SCGB2B2: variants seen among roughly 807,000 people sequenced by gnomAD.
SCGB2B2 encodes the protein secretoglobin-like protein.
In SCGB2B2, 11 loss-of-function variants were observed where a neutral mutation model predicts 7.6. That is an observed-to-expected ratio of 1.45 (90% CI 0.91 to 2.40). The LOEUF is 2.40. SCGB2B2 is among the 30% of genes most tolerant of loss of function. The probability of loss-of-function intolerance (pLI) is 0.00; values close to 1 mark genes in which losing one functional copy is unlikely to be tolerated. For missense variants in SCGB2B2, 104 were observed against 115.4 expected, an observed-to-expected ratio of 0.90 and a Z score of 0.45; for synonymous variants, 50 against 48.6, an observed-to-expected ratio of 1.03 and a Z score of -0.12.
At chr19:34,635,959 G>A (rs930096289) in intron 1 of SCGB2B2, among the ~76,000 whole-genome samples, 3 of 152,212 alleles carry the variant, frequency 2.0e-5, no homozygotes, top group Non-Finnish European at 4.4e-5. Context: ...TGTGCAGTTT[G>A]TGCCCGGGGT....
chr19:34,618,392 T>C (rs73927780), intron 1 of SCGB2B2, among the ~76,000 whole-genome samples: 55 of 152,346 alleles, frequency 3.6e-4, no homozygotes, highest in African/African-American at 1.2e-3. Flanking sequence ...CTCAAATACA[T>C]GGGCCCAGAT....
chr19:34,620,117 T>C (rs1292425949), intron 1 of SCGB2B2, among the ~76,000 whole-genome samples: 2 of 152,212 alleles, frequency 1.3e-5, no homozygotes, highest in Non-Finnish European at 1.5e-5. Context: ...ATGAGCACCA[T>C]TCTACAATTT....
chr19:34,601,475 T>G (rs565050213), intron 1 of SCGB2B2, among the ~76,000 whole-genome samples: 2 of 152,350 alleles, frequency 1.3e-5, no homozygotes, highest in South Asian at 4.1e-4. Context: ...CTGGTACATG[T>G]TGCCATTTAT....
chr19:34,643,740 T>C (rs2066910615), intron 1 of SCGB2B2, among the ~76,000 whole-genome samples: 1 of 151,884 alleles, frequency 6.6e-6, no homozygotes, highest in East Asian at 1.9e-4. Flanking sequence ...AGAATGATGG[T>C]AAAAGGAGAA....
At chr19:34,673,637 TA>T (rs1012161360) in intron 1 of SCGB2B2, among the ~76,000 whole-genome samples, 5 of 152,004 alleles carry the variant, frequency 3.3e-5, no homozygotes, top group African/African-American at 7.3e-5. Flanking sequence ...GCAGGCAGAA[TA>T]AAAAAAATTA....
chr19:34,605,641 G>A (rs2065755424), intron 1 of SCGB2B2, among the ~76,000 whole-genome samples: 1 of 152,186 alleles, frequency 6.6e-6, no homozygotes, highest in Non-Finnish European at 1.5e-5. Context: ...AGGCTGGAGT[G>A]CAATGGTGTG....
intron 1 of SCGB2B2, among the ~76,000 whole-genome samples, chr19:34,603,637 C>T (rs1030507736): frequency 1.3e-5 from 2 of 152,082 alleles, no homozygotes; most frequent in East Asian, 1.9e-4. Context: ...AGGGAGAGAG[C>T]CTAGGCCTGC....
intron 1 of SCGB2B2, among the ~76,000 whole-genome samples, chr19:34,613,981 A>G (rs1242742219): frequency 1.3e-5 from 2 of 152,216 alleles, no homozygotes; most frequent in Non-Finnish European, 2.9e-5. Flanking sequence ...TTCTGTGAAG[A>G]AAATTGCTAT....
intron 1 of SCGB2B2, chr19:34,638,062 T>C (rs2066736735): frequency 6.6e-6 from 1 of 152,226 alleles, no homozygotes; most frequent in South Asian, 2.1e-4. Flanking sequence ...AAAGTAGTTA[T>C]ATAACATAAG....
At chr19:34,604,573 G>A (rs1429333713) in intron 1 of SCGB2B2, among the ~76,000 whole-genome samples, 2 of 152,206 alleles carry the variant, frequency 1.3e-5, no homozygotes, top group African/African-American at 4.8e-5. Flanking sequence ...GGTTGTTTGT[G>A]ACACAGTAAA....
intron 1 of SCGB2B2, among the ~76,000 whole-genome samples, chr19:34,667,299 CT>C (rs2067658036): frequency 6.6e-6 from 1 of 152,174 alleles, no homozygotes; most frequent in East Asian, 1.9e-4. Flanking sequence ...AGACCCCTCC[CT>C]TCAGCCTCCC....
At chr19:34,594,401 A>T in intron 2 of SCGB2B2, 42 bp from the exon 3 acceptor site, 1 of 1,605,962 alleles carries the variant, frequency 6.2e-7, no homozygotes, top group Non-Finnish European at 8.5e-7. Context: ...AGGAGGTCAG[A>T]ATTCAGCGAA....
At chr19:34,618,576 C>G (rs560950058) in intron 1 of SCGB2B2, among the ~76,000 whole-genome samples, 143 of 152,304 alleles carry the variant, frequency 9.4e-4, no homozygotes, top group African/African-American at 3.3e-3. Context: ...CCCCATTACT[C>G]TTTTAGGTTA....
chr19:34,655,192 G>A (rs894027334), intron 1 of SCGB2B2, among the ~76,000 whole-genome samples: 4 of 151,250 alleles, frequency 2.6e-5, no homozygotes, highest in Non-Finnish European at 5.9e-5. Context: ...TAGTTCAGGT[G>A]AAGATGGAAG....
chr19:34,597,176 C>T (rs894708576), intron 1 of SCGB2B2, among the ~76,000 whole-genome samples: 6 of 152,062 alleles, frequency 3.9e-5, no homozygotes, highest in African/African-American at 1.4e-4. Context: ...CATGTGGGTC[C>T]TCAAGTGCCA....
At chr19:34,659,114 A>G (rs552815578) in intron 1 of SCGB2B2, among the ~76,000 whole-genome samples, 1 of 152,336 alleles carries the variant, frequency 6.6e-6, no homozygotes, top group Non-Finnish European at 1.5e-5. Context: ...AACTCTCAAT[A>G]AACTAGGTAT....
intron 1 of SCGB2B2, among the ~76,000 whole-genome samples, chr19:34,604,453 T>C (rs1362072950): frequency 4.6e-5 from 7 of 152,204 alleles, no homozygotes; most frequent in Non-Finnish European, 5.9e-5. Flanking sequence ...GGCCCACAGC[T>C]TGAGTGCTCA....
intron 1 of SCGB2B2, among the ~76,000 whole-genome samples, chr19:34,633,585 TA>T (rs1389041754): frequency 6.6e-6 from 1 of 152,146 alleles, no homozygotes; most frequent in African/African-American, 2.4e-5. Context: ...CAAAAGACAG[TA>T]AATCAATGTT....
intron 1 of SCGB2B2, among the ~76,000 whole-genome samples, chr19:34,673,922 T>C (rs2067860746): frequency 6.6e-6 from 1 of 152,218 alleles, no homozygotes. Context: ...CCTGCTTCCC[T>C]AACGATGGGG....
Sources: gnomAD v4.1 joint callset for allele counts (sites outside exome capture counted in the v4.1 genomes callset) on GRCh38, gnomAD v4.1.1 for gene constraint, MANE v1.5 for transcripts, NCBI Gene and HGNC (gene_info 2026-07-23, HGNC 2026-07-21) for gene names.